Variants in ABHD16B observed in about 807,000 individuals in gnomAD.
ABHD16B encodes abhydrolase domain-containing protein 16B.
In ABHD16B, 14 loss-of-function variants were observed where a neutral mutation model predicts 10.5. The ratio of observed to expected loss-of-function variants is 1.33; its 90% CI spans 0.88 to 2.08. The LOEUF (loss-of-function observed/expected upper bound fraction) is 2.08. Ranked by LOEUF, ABHD16B falls within the 30% of genes most tolerant of loss-of-function variation. The probability of loss-of-function intolerance (pLI) is 0.00; values close to 1 mark genes in which losing one functional copy is unlikely to be tolerated. For synonymous variants in ABHD16B, 374 were observed against 337.9 expected (o/e 1.11, Z -1.17); for missense variants, 763 against 717.4 (o/e 1.06, Z -0.73).
Position 63,862,605 on chromosome 20 carries a change from C to A in ABHD16B, c.1065C>A (p.Arg355=). Reference sequence around the variant, plus strand: ...TGCTGCTGCGCCTGCTGGAGCACCGCTACCCCGTCGTGATGGCGCGAGAGG... The same window carrying A: ...TGCTGCTGCGCCTGCTGGAGCACCGATACCCCGTCGTGATGGCGCGAGAGG... ...NELLLRLLEH[R]YPVVMAREGR... is the part of the protein sequence containing the mutation. Residue 355 remains arginine (R), a synonymous_variant, in exon 1 of 1, where the codon CGC becomes CGA. Coordinates refer to ENST00000369916, the MANE Select transcript of ABHD16B (RefSeq NM_080622.4). This position sits in a 1 kb window ranked among gnomAD's most constrained non-coding sequence, Gnocchi z 7.5. 1 of 1,554,736 alleles carries A rather than the reference C, an allele frequency of 6.4e-7. No individual in the cohort carries two copies.
At position 63,861,669 on chromosome 20, in the gene ABHD16B, G is replaced by A. The variant is rs770468146; in HGVS notation, c.129G>A (p.Arg43=). The A allele has an allele frequency of 3.9e-6, 6 of 1,535,966 alleles. No homozygotes were observed. The highest frequency in any genetic ancestry group is 5.2e-6 in the Non-Finnish European group (6 of 1,144,100). The change falls in exon 1 of 1, where the codon CGG becomes CGA. Residue 43 remains arginine, a synonymous_variant. Transcript: ENST00000369916. The surrounding 1 kb of genome is among the most constrained non-coding windows in gnomAD (Gnocchi z 5.4). ...GGGATGACGTGCGCGCCGTGGGCCG[G>A]AGCAGCAGCCACCGGGCGCTGACCT... ...FRWDDVRAVG[R]SSSHRALTCA... is the part of the protein sequence containing the mutation.
At position 63,861,509 on chromosome 20, in the gene ABHD16B, G is replaced by A. The variant is rs570407618; in HGVS notation, c.-32G>A. ...GCCCTGTGCCTCTCGCGGCGATCCC[G>A]GCCCAGCGGCTGGGCGTTAGGGCCA... On this transcript the variant is annotated 5_prime_UTR_variant, in exon 1 of 1. Transcript: ENST00000369916. This position sits in a 1 kb window ranked among gnomAD's most constrained non-coding sequence, Gnocchi z 5.4. The A allele has an allele frequency of 7.2e-6, 11 of 1,536,404 alleles. No homozygotes were observed. In the African/African-American group the frequency reaches 8.2e-5, roughly 12 times the overall value.
Position 63,862,303 on chromosome 20 carries a change from T to G in ABHD16B, c.763T>G (p.Trp255Gly). 1 of 1,612,052 alleles carries G rather than the reference T, an allele frequency of 6.2e-7. No homozygotes were observed. Among genetic ancestry groups the G allele is most frequent in the South Asian group, 1.1e-5 (1 of 90,994 alleles). ...GWSVGGFTAT[W>G]ATMTYPELGA... The stretch of plus-strand genomic sequence containing the variant: ...GTCTGTTGGCGGCTTCACGGCCACC[T>G]GGGCCACCATGACCTACCCGGAGCT... Residue 255 changes from tryptophan to glycine, a missense_variant, in exon 1 of 1, where the codon TGG becomes GGG. By Grantham distance (184) the Trp-to-Gly change is radical. Coordinates refer to ENST00000369916, the MANE Select transcript of ABHD16B (RefSeq NM_080622.4). The surrounding 1 kb of genome is among the most constrained non-coding windows in gnomAD (Gnocchi z 7.5).
chr20:63,862,042 G>A lies in ABHD16B; in HGVS notation c.502G>A (p.Val168Met), dbSNP rs775366641. The A allele has an allele frequency of 5.6e-6, 9 of 1,609,356 alleles. No individual in the cohort carries two copies. Among genetic ancestry groups the A allele is most frequent in the East Asian group, 2.2e-5 (1 of 44,840 alleles). ...MDRRQHPGSH[V>M]HGPRLVICCE... ...CCGCCGCCAGCACCCGGGCAGCCACGTGCACGGGCCGCGCCTCGTCATCTG... is the reference window on the plus strand; with the variant it reads ...CCGCCGCCAGCACCCGGGCAGCCACATGCACGGGCCGCGCCTCGTCATCTG... Residue 168 changes from valine to methionine, a missense_variant, in exon 1 of 1, where the codon GTG becomes ATG. Coordinates refer to ENST00000369916, the MANE Select transcript of ABHD16B (RefSeq NM_080622.4). This position sits in a 1 kb window ranked among gnomAD's most constrained non-coding sequence, Gnocchi z 7.5.
rs747938268 is a variant in ABHD16B at position 63,862,021 on chromosome 20, C to T, written c.481C>T (p.Arg161Cys). 5.0e-6 allele frequency: 8 copies of T among 1,607,438 alleles called. No individual in the cohort carries two copies. In the East Asian group the frequency reaches 1.3e-4, roughly 27 times the overall value. The change falls in exon 1 of 1, where the codon CGC becomes TGC. Residue 161 changes from arginine (R) to cysteine (C), a missense_variant. By Grantham distance (180) the Arg-to-Cys change is radical. Transcript: ENST00000369916. The surrounding 1 kb of genome is among the most constrained non-coding windows in gnomAD (Gnocchi z 7.5). ...GATCGACACTATGTTCATGGACCGC[C>T]GCCAGCACCCGGGCAGCCACGTGCA... Reference protein sequence around the residue: ...NEIDTMFMDRRQHPGSHVHGP... With the variant: ...NEIDTMFMDRCQHPGSHVHGP...
chr20:63,861,516 CG>C lies in ABHD16B; in HGVS notation c.-23del. On this transcript the variant is annotated 5_prime_UTR_variant, in exon 1 of 1. Coordinates refer to ENST00000369916, the MANE Select transcript of ABHD16B (RefSeq NM_080622.4). The surrounding 1 kb of genome is among the most constrained non-coding windows in gnomAD (Gnocchi z 5.4). The stretch of plus-strand genomic sequence containing the variant: ...GCCTCTCGCGGCGATCCCGGCCCAG[CG>C]GCTGGGCGTTAGGGCCACCGCTCAT... 1 of 1,537,796 alleles carries C rather than the reference CG, an allele frequency of 6.5e-7. No individual in the cohort carries two copies. The highest frequency in any genetic ancestry group is 8.7e-7 in the Non-Finnish European group (1 of 1,145,438).
Position 63,861,793 on chromosome 20 carries a change from T to C in ABHD16B, c.253T>C (p.Cys85Arg), listed in dbSNP as rs1249734430. ...ACGTGGGGCGCGCAGCCAGGCGCAG[T>C]GCCTCTTGCAGCAGCTCCGCGAGCT... ...PPRGARSQAQ[C>R]LLQQLRELPG... is the part of the protein sequence containing the mutation. Residue 85 changes from cysteine to arginine, a missense_variant, in exon 1 of 1, where the codon TGC becomes CGC. Coordinates refer to ENST00000369916, the MANE Select transcript of ABHD16B (RefSeq NM_080622.4). The surrounding 1 kb of genome is among the most constrained non-coding windows in gnomAD (Gnocchi z 5.4). The C allele has an allele frequency of 6.9e-7, 1 of 1,453,290 alleles. No homozygotes were observed. Among genetic ancestry groups the C allele is most frequent in the Admixed American group, 2.6e-5 (1 of 38,706 alleles). 90.0% of individuals were successfully genotyped at this position (1,453,290 alleles called of 1,614,324 possible).
Position 63,861,666 on chromosome 20 carries a change from C to T in ABHD16B, c.126C>T (p.Gly42=), listed in dbSNP as rs1348898490. The T allele has an allele frequency of 3.9e-6, 6 of 1,537,188 alleles. No individual in the cohort carries two copies. In the South Asian group the frequency reaches 6.0e-5, roughly 15 times the overall value. Residue 42 remains glycine (G), a synonymous_variant, in exon 1 of 1, where the codon GGC becomes GGT. Transcript: ENST00000369916. The surrounding 1 kb of genome is among the most constrained non-coding windows in gnomAD (Gnocchi z 5.4). ...AFRWDDVRAV[G]RSSSHRALTC... ...GCTGGGATGACGTGCGCGCCGTGGGCCGGAGCAGCAGCCACCGGGCGCTGA... is the reference window on the plus strand; with the variant it reads ...GCTGGGATGACGTGCGCGCCGTGGGTCGGAGCAGCAGCCACCGGGCGCTGA...
At position 63,861,951 on chromosome 20, in the gene ABHD16B, C is replaced by A. The variant is rs1388866842; in HGVS notation, c.411C>A (p.Arg137=). The A allele has an allele frequency of 6.9e-6, 11 of 1,597,740 alleles. No individual in the cohort carries two copies. Among genetic ancestry groups the A allele is most frequent in the Non-Finnish European group, 9.3e-6 (11 of 1,178,276 alleles). ...AGGGCCAAGAGCGCCTCGTGGAGCG[C>A]TACCACGGCCGGCGCGCCAAGCTGG... ...LQQGQERLVE[R]YHGRRAKLVA... Residue 137 remains arginine (R), a synonymous_variant, in exon 1 of 1, where the codon CGC becomes CGA. Transcript: ENST00000369916. This position sits in a 1 kb window ranked among gnomAD's most constrained non-coding sequence, Gnocchi z 5.4.
Position 63,861,945 on chromosome 20 carries a change from G to A in ABHD16B, c.405G>A (p.Val135=). 1 of 1,596,584 alleles carries A rather than the reference G, an allele frequency of 6.3e-7. No homozygotes were observed. Among genetic ancestry groups the A allele is most frequent in the Non-Finnish European group, 8.5e-7 (1 of 1,177,562 alleles). Residue 135 remains valine, a synonymous_variant, in exon 1 of 1, where the codon GTG becomes GTA. Coordinates refer to ENST00000369916, the MANE Select transcript of ABHD16B (RefSeq NM_080622.4). The surrounding 1 kb of genome is among the most constrained non-coding windows in gnomAD (Gnocchi z 5.4). ...PLLQQGQERL[V]ERYHGRRAKL... ...TGCAGCAGGGCCAAGAGCGCCTCGT[G>A]GAGCGCTACCACGGCCGGCGCGCCA...
rs2052108761 is a variant in ABHD16B, at chr20:63,862,985, C to T, written c.*35C>T. 2.2e-6 allele frequency: 3 copies of T among 1,379,358 alleles called. No individual in the cohort carries two copies. The highest frequency in any genetic ancestry group is 2.8e-6 in the Non-Finnish European group (3 of 1,062,400). The allele number at this position is 1,379,358 out of a possible 1,614,324, so 85.4% of individuals were successfully genotyped here. ...CCCAGTGGGGGATCACGCACTTGAA[C>T]TCCTGGCCTTCTTGGTTCACCTCCC... On this transcript the variant is annotated 3_prime_UTR_variant, in exon 1 of 1. Coordinates refer to ENST00000369916, the MANE Select transcript of ABHD16B (RefSeq NM_080622.4). The surrounding 1 kb of genome is among the most constrained non-coding windows in gnomAD (Gnocchi z 7.5).
rs374955040 is a variant in ABHD16B at position 63,862,236 on chromosome 20, C to G, written c.696C>G (p.His232Gln). The part of the protein sequence containing the change: ...AMDVVVEYAL[H>Q]RLHFPPAHLV... ...ACGTGGTGGTCGAGTACGCACTGCA[C>G]CGCCTGCACTTCCCGCCCGCGCACC... Residue 232 changes from histidine to glutamine, a missense_variant, in exon 1 of 1, where the codon CAC (histidine) becomes CAG (glutamine). Physicochemically the swap from His to Gln is conservative, Grantham distance 24. Coordinates refer to ENST00000369916, the MANE Select transcript of ABHD16B (RefSeq NM_080622.4). This position sits in a 1 kb window ranked among gnomAD's most constrained non-coding sequence, Gnocchi z 7.5. 1.9e-6 allele frequency: 3 copies of G among 1,611,840 alleles called. No homozygotes were observed. The highest frequency in any genetic ancestry group is 2.5e-6 in the Non-Finnish European group (3 of 1,179,708).
Position 63,862,120 on chromosome 20 carries a change from G to C in ABHD16B, c.580G>C (p.Glu194Gln), listed in dbSNP as rs751267422. 56 of 1,611,848 alleles carry C rather than the reference G, an allele frequency of 3.5e-5. No homozygotes were observed. Among genetic ancestry groups the C allele is most frequent in the Non-Finnish European group, 4.7e-5 (56 of 1,179,720 alleles). ...YEMGCLSAPLEAGYSVLGWNH... is the reference protein window; with the variant it reads ...YEMGCLSAPLQAGYSVLGWNH... ...GATGGGCTGTCTGTCTGCACCGCTC[G>C]AGGCCGGCTACTCCGTGCTGGGCTG... is the stretch of plus-strand genomic sequence containing the variant. Residue 194 changes from glutamate (E) to glutamine (Q), a missense_variant, in exon 1 of 1, where the codon GAG becomes CAG. Glu to Gln is a conservative substitution (Grantham distance 29). Coordinates refer to ENST00000369916, the MANE Select transcript of ABHD16B (RefSeq NM_080622.4). The surrounding 1 kb of genome is among the most constrained non-coding windows in gnomAD (Gnocchi z 7.5).
At position 63,862,155 on chromosome 20, in the gene ABHD16B, C is replaced by G. The variant is rs757113017; in HGVS notation, c.615C>G (p.Pro205=). The G allele has an allele frequency of 3.7e-6, 6 of 1,611,452 alleles. No homozygotes were observed. Among genetic ancestry groups the G allele is most frequent in the Non-Finnish European group, 5.1e-6 (6 of 1,179,628 alleles). The change falls in exon 1 of 1, where the codon CCC becomes CCG. Residue 205 remains proline, a synonymous_variant. Coordinates refer to ENST00000369916, the MANE Select transcript of ABHD16B (RefSeq NM_080622.4). This position sits in a 1 kb window ranked among gnomAD's most constrained non-coding sequence, Gnocchi z 7.5. The part of the protein sequence containing the change: ...AGYSVLGWNH[P]GFGSSTGVPF... ...ACTCCGTGCTGGGCTGGAACCACCC[C>G]GGCTTCGGCAGCAGCACTGGCGTGC...
Position 63,862,873 on chromosome 20 carries a change from A to AAC in ABHD16B, c.1334_1335insCA (p.Lys445AsnfsTer?), listed in dbSNP as rs1568929319. On this transcript the variant is annotated frameshift_variant, in exon 1 of 1. Coordinates refer to ENST00000369916, the MANE Select transcript of ABHD16B (RefSeq NM_080622.4). LOFTEE classifies it high-confidence loss of function. This position sits in a 1 kb window ranked among gnomAD's most constrained non-coding sequence, Gnocchi z 7.5. ...GCGCCTCGCACTGTTCCTGGCTCGG[A>AAC]AGCACCTCAAGAACGTGGAGGCGAC... 46 of 1,541,146 alleles carry AAC rather than the reference A, an allele frequency of 3.0e-5. No homozygotes were observed. In the South Asian group the frequency reaches 3.6e-4, roughly 12 times the overall value.
In ABHD16B at chr20:63,862,403, AGGGGCT is replaced by A. The variant is rs765566096; in HGVS notation, c.866_871del (p.Gly289_Leu290del). On this transcript the variant is annotated inframe_deletion, in exon 1 of 1. Coordinates refer to ENST00000369916, the MANE Select transcript of ABHD16B (RefSeq NM_080622.4). This position sits in a 1 kb window ranked among gnomAD's most constrained non-coding sequence, Gnocchi z 7.5. ...CTGAAGGTCATGCCCCACAGTTGGA[AGGGGCT>A]GGTGGTGCGCACCGTGCGCGAGCAC... 1 of 1,599,300 alleles carries A rather than the reference AGGGGCT, an allele frequency of 6.3e-7. No individual in the cohort carries two copies. Among genetic ancestry groups the A allele is most frequent in the Non-Finnish European group, 8.5e-7 (1 of 1,174,630 alleles).
rs541340144 is a variant in ABHD16B at position 63,862,848 on chromosome 20, G to C, written c.1308G>C (p.Arg436=). ...VGQGLSSRRR[R]RLALFLARKH... ...AGGGCCTGAGCTCGCGGCGGCGCCGGCGCCTCGCACTGTTCCTGGCTCGGA... is the reference window on the plus strand; with the variant it reads ...AGGGCCTGAGCTCGCGGCGGCGCCGCCGCCTCGCACTGTTCCTGGCTCGGA... Residue 436 remains arginine, a synonymous_variant, in exon 1 of 1, where the codon CGG becomes CGC. Transcript: ENST00000369916. This position sits in a 1 kb window ranked among gnomAD's most constrained non-coding sequence, Gnocchi z 7.5. 17 of 1,536,288 alleles carry C rather than the reference G, an allele frequency of 1.1e-5. No homozygotes were observed. In the African/African-American group the frequency reaches 1.9e-4, roughly 17 times the overall value.
rs1457957421 is a variant in ABHD16B at position 63,861,769 on chromosome 20, C to T, written c.229C>T (p.Arg77Cys). The T allele has an allele frequency of 7.0e-7, 1 of 1,422,790 alleles. No individual in the cohort carries two copies. Among genetic ancestry groups the T allele is most frequent in the Non-Finnish European group, 9.1e-7 (1 of 1,097,700 alleles). 88.1% of individuals were successfully genotyped at this position (1,422,790 alleles called of 1,614,324 possible). ...LGGDALGRPP[R>C]GARSQAQCLL... ...CGGGGATGCGCTGGGGCGGCCTCCA[C>T]GTGGGGCGCGCAGCCAGGCGCAGTG... The change falls in exon 1 of 1, where the codon CGT becomes TGT. Residue 77 changes from arginine to cysteine, a missense_variant. Arg to Cys is a radical substitution (Grantham distance 180). Transcript: ENST00000369916. The surrounding 1 kb of genome is among the most constrained non-coding windows in gnomAD (Gnocchi z 5.4).
In ABHD16B at chr20:63,862,250, C is replaced by A. The variant is rs748202951; in HGVS notation, c.710C>A (p.Pro237Gln). 4.3e-6 allele frequency: 7 copies of A among 1,611,898 alleles called. No homozygotes were observed. The South Asian group carries it at 5.5e-5, about 13-fold the overall frequency. ...TACGCACTGCACCGCCTGCACTTCC[C>A]GCCCGCGCACCTGGTGGTCTACGGC... ...VEYALHRLHFPPAHLVVYGWS... is the reference protein window; with the variant it reads ...VEYALHRLHFQPAHLVVYGWS... The change falls in exon 1 of 1, where the codon CCG becomes CAG. Residue 237 changes from proline to glutamine, a missense_variant. By Grantham distance (76) the Pro-to-Gln change is moderately conservative. Transcript: ENST00000369916. This position sits in a 1 kb window ranked among gnomAD's most constrained non-coding sequence, Gnocchi z 7.5.
Sources: gnomAD v4.1 joint callset for allele counts on GRCh38, gnomAD v4.1.1 for gene constraint, Gnocchi (gnomAD v3.1) non-coding constraint, MANE v1.5 for transcripts, NCBI Gene and HGNC (gene_info 2026-07-23, HGNC 2026-07-21) for gene names.